The following ANKS1B variants were observed in gnomAD, a reference collection of about 807,000 sequenced individuals.
ANKS1B encodes the protein ankyrin repeat and sterile alpha motif domain-containing protein 1B.
A neutral mutation model predicts 148.3 loss-of-function variants in ANKS1B; 36 were observed. The ratio of observed to expected loss-of-function variants is 0.24; its 90% CI spans 0.19 to 0.32. The LOEUF (loss-of-function observed/expected upper bound fraction) is 0.32. ANKS1B is among the 10% of genes least tolerant of loss of function. The probability of loss-of-function intolerance (pLI) is 1.00; values close to 1 mark genes in which losing one functional copy is unlikely to be tolerated. For missense variants in ANKS1B, 1,157 were observed against 1,542.6 expected (o/e 0.75, Z 4.19); for synonymous variants, 542 against 560.8 (o/e 0.97, Z 0.47).
At chr12:99,269,340 A>G (rs767584510) in intron 12 of ANKS1B, among the ~76,000 whole-genome samples, 7 of 152,214 alleles carry the variant, frequency 4.6e-5, no homozygotes, top group African/African-American at 7.2e-5. Flanking sequence ...ACAAGCATCA[A>G]TTGAGCAAAT....
intron 17 of ANKS1B, among the ~76,000 whole-genome samples, chr12:98,995,449 A>T (rs1373964594): frequency 6.6e-6 from 1 of 152,074 alleles, no homozygotes; most frequent in Non-Finnish European, 1.5e-5. Context: ...TAAAAAATTA[A>T]AAAAAAGAGA....
intron 12 of ANKS1B, among the ~76,000 whole-genome samples, chr12:99,304,336 G>A (rs995800287): frequency 6.6e-6 from 1 of 152,182 alleles, no homozygotes; most frequent in East Asian, 1.9e-4. Flanking sequence ...TAAATAGAGG[G>A]ACCTGGGAGG....
chr12:99,427,877 G>C (rs2095291344), intron 11 of ANKS1B, among the ~76,000 whole-genome samples: 1 of 152,170 alleles, frequency 6.6e-6, no homozygotes, highest in Admixed American at 6.5e-5. Context: ...ATGCATTCTA[G>C]ACTGTATCGG....
At chr12:98,961,028 A>G (rs1223744396) in intron 17 of ANKS1B, among the ~76,000 whole-genome samples, 4 of 152,216 alleles carry the variant, frequency 2.6e-5, no homozygotes, top group Non-Finnish European at 2.9e-5. Flanking sequence ...AATATCCTCA[A>G]AAGGGCAAGT....
chr12:99,751,034 G>T (rs1199412162), intron 8 of ANKS1B, among the ~76,000 whole-genome samples: 1 of 151,528 alleles, frequency 6.6e-6, no homozygotes, highest in East Asian at 1.9e-4. Context: ...AATATCCCTA[G>T]AACTCAGTAC....
rs139363325 is a variant in ANKS1B, at chr12:99,203,759, C to A, written c.2419+40583G>T. ...AGCCACTGCACCCGGCCAAGACCTG[C>A]TTCTGAGATTCTAAAATATATCCTG... On this transcript the variant is annotated intron_variant, in intron 14 of 26. Coordinates refer to ENST00000683438, the MANE Select transcript of ANKS1B (RefSeq NM_001352186.2). 8.6e-3 allele frequency among the ~76,000 whole-genome samples: 1,302 copies of A among 152,270 alleles called. 24 individuals carry two copies. Among genetic ancestry groups the A allele is most frequent in the African/African-American group, 0.03 (1,249 of 41,546 alleles).
chr12:99,620,137 A>C (rs2098028487), intron 9 of ANKS1B, among the ~76,000 whole-genome samples: 1 of 152,206 alleles, frequency 6.6e-6, no homozygotes, highest in African/African-American at 2.4e-5. Flanking sequence ...GTAGAAGCAA[A>C]GCCAAAACAC....
intron 9 of ANKS1B, among the ~76,000 whole-genome samples, chr12:99,573,615 T>C (rs1567383323): frequency 6.6e-6 from 1 of 152,020 alleles, no homozygotes. Context: ...AAAATTAAGT[T>C]TCCTACTCTT....
rs572232560 is a variant in ANKS1B, at chr12:98,818,368, G to A, written c.3067-10450C>T. 2.0e-5 allele frequency among the ~76,000 whole-genome samples: 3 copies of A among 152,216 alleles called. No individual in the cohort carries two copies. The East Asian group carries it at 5.8e-4, about 29-fold the overall frequency. ...ATATATAACCTGTATTCCCTAATAT[G>A]ACAGCTGTAGCCCTAAATGGCATTA... On this transcript the variant is annotated intron_variant, in intron 19 of 26. Transcript: ENST00000683438.
chr12:98,745,942 T>G, intron 26 of ANKS1B, 93 bp from the exon 27 acceptor site: 1 of 1,371,392 alleles, frequency 7.3e-7, no homozygotes, highest in Non-Finnish European at 9.8e-7. Context: ...GCGAGGCCCC[T>G]CGCCCCAGGC....
intron 11 of ANKS1B, among the ~76,000 whole-genome samples, chr12:99,426,605 T>C (rs571718667): frequency 9.7e-4 from 147 of 152,284 alleles, no homozygotes; most frequent in African/African-American, 3.3e-3. Flanking sequence ...TAAGAGATTA[T>C]TTGCAATTTC....
At chr12:99,649,417 A>G (rs779571211) in intron 9 of ANKS1B, 1 of 1,580,056 alleles carries the variant, frequency 6.3e-7, no homozygotes. Flanking sequence ...TACCTCCCAC[A>G]TATACTACGT....
At chr12:99,815,783 G>A (rs1407259996) in intron 2 of ANKS1B, among the ~76,000 whole-genome samples, 4 of 151,640 alleles carry the variant, frequency 2.6e-5, no homozygotes, top group Admixed American at 6.6e-5. Flanking sequence ...TTAGAATAAC[G>A]GCTTCCAGTT....
chr12:99,082,546 T>C (rs994781260), intron 16 of ANKS1B, among the ~76,000 whole-genome samples: 2 of 152,104 alleles, frequency 1.3e-5, no homozygotes, highest in Admixed American at 1.3e-4. Context: ...AGATACTGTA[T>C]AGAAATTCAA....
chr12:99,001,817 C>G (rs1459564400), intron 17 of ANKS1B, among the ~76,000 whole-genome samples: 2 of 152,238 alleles, frequency 1.3e-5, no homozygotes, highest in African/African-American at 4.8e-5. Context: ...TCTCCTACCT[C>G]TGGATCTCTG....
chr12:99,441,856 T>C lies in ANKS1B; in HGVS notation c.1575+1817A>G, dbSNP rs138280344. Among the ~76,000 whole-genome samples the C allele has an allele frequency of 2.9e-3, 441 of 152,096 alleles. 13 individuals are homozygous for C. In the South Asian group the frequency reaches 0.04, roughly 14 times the overall value. ...GGTGAACCTAAACTCAATTAGAATA[T>C]GCAGAGAAGGATTTATGAAATAATG... is the stretch of plus-strand genomic sequence containing the variant. On this transcript the variant is annotated intron_variant, in intron 11 of 26. Coordinates refer to ENST00000683438, the MANE Select transcript of ANKS1B (RefSeq NM_001352186.2).
At chr12:99,578,623 C>T (rs905933712) in intron 9 of ANKS1B, among the ~76,000 whole-genome samples, 1 of 151,978 alleles carries the variant, frequency 6.6e-6, no homozygotes, top group Non-Finnish European at 1.5e-5. Flanking sequence ...AATAAAATGC[C>T]TAGGAATACA....
chr12:99,474,327 AATTCT>A (rs2096283778), intron 10 of ANKS1B, among the ~76,000 whole-genome samples: 1 of 152,084 alleles, frequency 6.6e-6, no homozygotes. Context: ...ACCATTTTGC[AATTCT>A]ATTCTGTTAA....
intron 17 of ANKS1B, among the ~76,000 whole-genome samples, chr12:99,035,045 C>T (rs1331232142): frequency 1.3e-5 from 2 of 152,106 alleles, no homozygotes; most frequent in African/African-American, 4.8e-5. Context: ...TAGAAAACAA[C>T]ACCCCAAAAT....
Sources: allele counts gnomAD v4.1 joint callset (sites outside exome capture counted in the v4.1 genomes callset), GRCh38; gene constraint gnomAD v4.1.1; transcripts MANE v1.5; gene names NCBI Gene and HGNC (gene_info 2026-07-23, HGNC 2026-07-21).